Variants in CENPW observed in about 807,000 individuals in gnomAD.
The protein encoded by CENPW is cancer-up-regulated gene 2 protein.
CENPW carries 3 observed loss-of-function variants against 11.1 expected under a neutral mutation model. That is an observed-to-expected ratio of 0.27 (90% CI 0.12 to 0.70). CENPW has a LOEUF of 0.70. CENPW is among the 30% of genes least tolerant of loss of function. The probability of loss-of-function intolerance (pLI) is 0.77; values close to 1 mark genes in which losing one functional copy is unlikely to be tolerated. For synonymous variants in CENPW, 38 were observed against 42.0 expected (o/e 0.91, Z 0.37); for missense variants, 100 against 105.6 (o/e 0.95, Z 0.23).
chr6:126,390,248 TC>T, the CENPW span, among the ~76,000 whole-genome samples: 1 of 151,948 alleles, frequency 6.6e-6, no homozygotes, highest in Non-Finnish European at 1.5e-5. Flanking sequence ...CTAACTGGTC[TC>T]CCCATATCTG....
chr6:126,412,148 GGTTGA>G, the CENPW span, among the ~76,000 whole-genome samples: 1 of 106,050 alleles, frequency 9.4e-6, no homozygotes, highest in African/African-American at 3.6e-5. Context: ...CATCATGCCT[GGTTGA>G]GTTTTTAAAT....
chr6:126,452,014 G>C, the CENPW span, among the ~76,000 whole-genome samples: 1 of 151,070 alleles, frequency 6.6e-6, no homozygotes, highest in Non-Finnish European at 1.5e-5. Flanking sequence ...GATACTGGTT[G>C]GTGCACATGT....
At chr6:126,371,140 C>G in the CENPW span, among the ~76,000 whole-genome samples, 1 of 152,258 alleles carries the variant, frequency 6.6e-6, no homozygotes, top group South Asian at 2.1e-4. Flanking sequence ...AAAGAAGTGG[C>G]AAGAATGGGT....
the CENPW span, among the ~76,000 whole-genome samples, chr6:126,431,738 C>G: frequency 0.43 from 65,276 of 151,634 alleles, 16,342 homozygotes; most frequent in East Asian, 0.97. Context: ...CCGCAGCAAC[C>G]TGGAGGAGAG....
At chr6:126,457,455 C>T in the CENPW span, among the ~76,000 whole-genome samples, 2 of 151,274 alleles carry the variant, frequency 1.3e-5, no homozygotes, top group South Asian at 2.1e-4. Flanking sequence ...CAAACTAACG[C>T]GGGAGCAGAA....
intron 1 of CENPW, among the ~76,000 whole-genome samples, chr6:126,343,548 C>G (rs916022802): frequency 2.6e-5 from 4 of 152,248 alleles, no homozygotes; most frequent in African/African-American, 7.2e-5. Flanking sequence ...TCCCAGTCCC[C>G]AAACCTCAAA....
the CENPW span, among the ~76,000 whole-genome samples, chr6:126,437,404 T>C: frequency 6.6e-6 from 1 of 151,966 alleles, no homozygotes; most frequent in Non-Finnish European, 1.5e-5. Context: ...CCAACTCTGC[T>C]GAAGGCCAAG....
chr6:126,394,646 T>C, the CENPW span, among the ~76,000 whole-genome samples: 1 of 152,132 alleles, frequency 6.6e-6, no homozygotes, highest in Non-Finnish European at 1.5e-5. Flanking sequence ...CTTCACATAA[T>C]TTCTTATTGT....
At chr6:126,355,656 T>G in the CENPW span, among the ~76,000 whole-genome samples, 3 of 152,190 alleles carry the variant, frequency 2.0e-5, no homozygotes. Flanking sequence ...TAAGTTATAA[T>G]TTTTTAAAAG....
the CENPW span, among the ~76,000 whole-genome samples, chr6:126,433,911 A>G: frequency 6.6e-6 from 1 of 152,112 alleles, no homozygotes; most frequent in Non-Finnish European, 1.5e-5. Context: ...GCCTTTATAT[A>G]TACATAATAA....
chr6:126,402,237 T>C, the CENPW span, among the ~76,000 whole-genome samples: 1 of 151,886 alleles, frequency 6.6e-6, no homozygotes, highest in Non-Finnish European at 1.5e-5. Context: ...CTTCCCTTTA[T>C]TTTCTTTGTT....
the CENPW span, among the ~76,000 whole-genome samples, chr6:126,464,679 G>C: frequency 6.6e-6 from 1 of 152,150 alleles, no homozygotes; most frequent in South Asian, 2.1e-4. Context: ...CAGACTGAAG[G>C]CTGCACTGTG....
At chr6:126,391,648 T>C in the CENPW span, among the ~76,000 whole-genome samples, 2 of 152,056 alleles carry the variant, frequency 1.3e-5, no homozygotes, top group Admixed American at 6.6e-5. Flanking sequence ...ATTTTTGTTA[T>C]ATGGCAAGAG....
chr6:126,356,379 T>A, the CENPW span, among the ~76,000 whole-genome samples: 1 of 152,208 alleles, frequency 6.6e-6, no homozygotes. Flanking sequence ...TTGGGAAAGA[T>A]GAAGACGGTA....
At chr6:126,447,507 C>T in the CENPW span, among the ~76,000 whole-genome samples, 1 of 151,174 alleles carries the variant, frequency 6.6e-6, no homozygotes, top group African/African-American at 2.4e-5. Context: ...GCTTACACTA[C>T]TTTCACATGA....
At chr6:126,481,970 A>G in the CENPW span, among the ~76,000 whole-genome samples, 2 of 152,054 alleles carry the variant, frequency 1.3e-5, no homozygotes, top group African/African-American at 2.4e-5. Context: ...GATCATTTGG[A>G]TATATTACTT....
chr6:126,418,800 A>C, the CENPW span, among the ~76,000 whole-genome samples: 18 of 151,930 alleles, frequency 1.2e-4, no homozygotes, highest in Admixed American at 1.2e-3. Flanking sequence ...GTGAAGCTGG[A>C]AACCATCATT....
the CENPW span, among the ~76,000 whole-genome samples, chr6:126,378,094 A>G: frequency 1.6e-4 from 24 of 152,302 alleles, no homozygotes; most frequent in Admixed American, 1.4e-3. Flanking sequence ...TGAGTACTAC[A>G]AATTATCTTC....
the CENPW span, among the ~76,000 whole-genome samples, chr6:126,377,860 T>G: frequency 6.6e-6 from 1 of 151,940 alleles, no homozygotes; most frequent in South Asian, 2.1e-4. Context: ...CACAGTAACT[T>G]GCTTTGCACA....
Sources: allele counts gnomAD v4.1 joint callset (sites outside exome capture counted in the v4.1 genomes callset), GRCh38; gene constraint gnomAD v4.1.1; transcripts MANE v1.5; gene names NCBI Gene and HGNC (gene_info 2026-07-23, HGNC 2026-07-21).